Variants in TJP1 observed in about 807,000 individuals in gnomAD.
TJP1 encodes tight junction protein 1.
A neutral mutation model predicts 194.2 loss-of-function variants in TJP1; 43 were observed. That is an observed-to-expected ratio of 0.22 (90% CI 0.17 to 0.29). The LOEUF (loss-of-function observed/expected upper bound fraction) is 0.29, where lower values mean the gene tolerates loss of function less well. TJP1 is among the 10% of genes least tolerant of loss of function. The pLI is 1.00. For missense variants in TJP1, 1,971 were observed against 2,185.7 expected, an observed-to-expected ratio of 0.90 and a Z score of 1.96; for synonymous variants, 801 against 779.0, an observed-to-expected ratio of 1.03 and a Z score of -0.47.
intron 4 of TJP1, among the ~76,000 whole-genome samples, chr15:29,768,797 G>A (rs984026327): frequency 1.3e-5 from 2 of 151,856 alleles, no homozygotes; most frequent in Admixed American, 6.6e-5. Flanking sequence ...AACTATGCTC[G>A]ATTTTAACAC....
At chr15:29,739,111 C>G (rs972335080) in intron 10 of TJP1, among the ~76,000 whole-genome samples, 4 of 152,030 alleles carry the variant, frequency 2.6e-5, no homozygotes, top group African/African-American at 9.7e-5. Flanking sequence ...CTAACCCTGA[C>G]CCATCTAATG....
rs530015049 is a variant in TJP1, at chr15:29,964,114, C to T, written c.173+4553G>A. On this transcript the variant is annotated intron_variant, in intron 1 of 28. Coordinates refer to the TJP1 transcript ENST00000356107. ...AATGTCACCTTACTTAGAATGTTAC[C>T]ATGTTTAGAAACAAAGTCTTTGCTG... is the stretch of plus-strand genomic sequence containing the variant. 4.6e-5 allele frequency among the ~76,000 whole-genome samples: 7 copies of T among 152,234 alleles called. No homozygotes were observed. In the East Asian group the frequency reaches 1.4e-3, roughly 29 times the overall value.
intron 1 of TJP1, chr15:29,820,508 G>A: frequency 4.2e-6 from 3 of 716,446 alleles, no homozygotes; most frequent in Non-Finnish European, 7.8e-6. Flanking sequence ...CTATAATTCA[G>A]GAGAAGTACT....
intron 2 of TJP1, among the ~76,000 whole-genome samples, chr15:29,790,010 T>C (rs1038461602): frequency 5.3e-5 from 8 of 152,180 alleles, no homozygotes; most frequent in African/African-American, 1.9e-4. Flanking sequence ...AGTTGATCCC[T>C]CTTTACAATA....
intron 18 of TJP1, among the ~76,000 whole-genome samples, chr15:29,726,033 C>G (rs1199791285): frequency 2.0e-5 from 3 of 152,174 alleles, no homozygotes; most frequent in African/African-American, 7.2e-5. Flanking sequence ...CCATCCAAAT[C>G]CCCTCATTTT....
chr15:29,811,442 T>C (rs1020534550), intron 1 of TJP1, among the ~76,000 whole-genome samples: 1 of 15,818 alleles, frequency 6.3e-5, no homozygotes, highest in African/African-American at 2.3e-4. Context: ...GGTGGGGGGG[T>C]GGTGGGAGGG....
chr15:29,886,009 C>T (rs1596184522), intron 2 of TJP1, among the ~76,000 whole-genome samples: 1 of 152,154 alleles, frequency 6.6e-6, no homozygotes, highest in East Asian at 1.9e-4. Context: ...CAAGACGTAC[C>T]AACAAGCATA....
chr15:29,843,814 T>C (rs1437616447), intron 2 of TJP1, among the ~76,000 whole-genome samples: 1 of 152,136 alleles, frequency 6.6e-6, no homozygotes, highest in Non-Finnish European at 1.5e-5. Flanking sequence ...GTCTGCGTGC[T>C]CCCAGTGTGA....
intron 4 of TJP1, among the ~76,000 whole-genome samples, chr15:29,767,089 C>T (rs1272320557): frequency 6.6e-6 from 1 of 152,242 alleles, no homozygotes; most frequent in Non-Finnish European, 1.5e-5. Context: ...CCAACACAAA[C>T]TGCTTTCAGT....
At chr15:29,787,906 A>G (rs1438619273) in intron 2 of TJP1, among the ~76,000 whole-genome samples, 1 of 152,180 alleles carries the variant, frequency 6.6e-6, no homozygotes, top group African/African-American at 2.4e-5. Flanking sequence ...TGTTTTCTAC[A>G]GCAGCTGCAC....
At chr15:29,792,938 T>C (rs925699259) in intron 2 of TJP1, among the ~76,000 whole-genome samples, 2 of 152,244 alleles carry the variant, frequency 1.3e-5, no homozygotes, top group African/African-American at 4.8e-5. Flanking sequence ...CATACAGAAA[T>C]GCTGCTGATT....
At chr15:29,932,242 T>G (rs543982240) in intron 2 of TJP1, among the ~76,000 whole-genome samples, 1 of 152,328 alleles carries the variant, frequency 6.6e-6, no homozygotes, top group South Asian at 2.1e-4. Flanking sequence ...CTTTCAAGAT[T>G]TGTTATACAA....
chr15:29,712,809 TAAA>T (rs746405153), intron 23 of TJP1, among the ~76,000 whole-genome samples: 8 of 108,258 alleles, frequency 7.4e-5, no homozygotes, highest in Admixed American at 9.7e-5. Flanking sequence ...CATGTCCCAT[TAAA>T]AAAAAAAAAA....
chr15:29,848,589 T>A (rs1039374712), intron 2 of TJP1, among the ~76,000 whole-genome samples: 10 of 152,156 alleles, frequency 6.6e-5, no homozygotes. Context: ...TGGCTGGGCA[T>A]GGTGGCTCAC....
chr15:29,960,635 C>CAAAA (rs3085441), intron 1 of TJP1, among the ~76,000 whole-genome samples: 4 of 117,898 alleles, frequency 3.4e-5, no homozygotes, highest in Non-Finnish European at 5.3e-5. Flanking sequence ...GACCATGTCT[C>CAAAA]AAAAAAAAAA....
At chr15:29,939,950 ATTATG>A (rs2055012066) in intron 2 of TJP1, among the ~76,000 whole-genome samples, 1 of 152,130 alleles carries the variant, frequency 6.6e-6, no homozygotes, top group South Asian at 2.1e-4. Flanking sequence ...AGTTTATGAT[ATTATG>A]TTATAGCAGG....
intron 2 of TJP1, among the ~76,000 whole-genome samples, chr15:29,852,733 C>A (rs999139194): frequency 6.6e-6 from 1 of 151,936 alleles, no homozygotes; most frequent in African/African-American, 2.4e-5. Context: ...TGGAGAAACC[C>A]CGTCTCTACT....
chr15:29,956,094 TA>T (rs2055930550), intron 2 of TJP1: 3 of 671,176 alleles, frequency 4.5e-6, no homozygotes, highest in African/African-American at 3.8e-5. Context: ...TTCTGGTTGG[TA>T]AACTGTTGGG....
At chr15:29,827,311 G>A (rs1045050755), upstream of TJP1, among the ~76,000 whole-genome samples, 1 of 152,196 alleles carries the variant, frequency 6.6e-6, no homozygotes, top group African/African-American at 2.4e-5. Context: ...AGGTCAGGAG[G>A]TTTGCATGAA....
Sources: allele counts gnomAD v4.1 joint callset (sites outside exome capture counted in the v4.1 genomes callset), GRCh38; gene constraint gnomAD v4.1.1; transcripts MANE v1.5; gene names NCBI Gene and HGNC (gene_info 2026-07-23, HGNC 2026-07-21).